RNF212B: variants seen among roughly 807,000 people sequenced by gnomAD.
RNF212B encodes the protein ring finger protein 212B.
In RNF212B, 52 loss-of-function variants were observed where a neutral mutation model predicts 55.5. That is an observed-to-expected ratio of 0.94 (90% CI 0.75 to 1.18). RNF212B has a LOEUF of 1.18. Among genes scored for constraint, RNF212B ranks in the 50% most tolerant of loss-of-function variants. The probability of loss-of-function intolerance (pLI) is 0.00; values close to 1 mark genes in which losing one functional copy is unlikely to be tolerated. For synonymous variants in RNF212B, 99 were observed against 121.4 expected (o/e 0.82, Z 1.21); for missense variants, 289 against 350.4 (o/e 0.82, Z 1.40).
At chr14:23,214,046 C>G (rs763314616) in intron 2 of RNF212B, among the ~76,000 whole-genome samples, 6 of 152,056 alleles carry the variant, frequency 3.9e-5, no homozygotes, top group Non-Finnish European at 5.9e-5. Flanking sequence ...TCACTTGAGC[C>G]CAGGAGTTCG....
intron 2 of RNF212B, among the ~76,000 whole-genome samples, chr14:23,227,718 A>T (rs1362429006): frequency 2.0e-5 from 3 of 151,622 alleles, no homozygotes; most frequent in Non-Finnish European, 4.4e-5. Context: ...TCCCACCTCA[A>T]CCTCCTTAGT....
intron 2 of RNF212B, among the ~76,000 whole-genome samples, chr14:23,211,900 C>G (rs1186872985): frequency 2.6e-5 from 4 of 152,004 alleles, no homozygotes; most frequent in Non-Finnish European, 5.9e-5. Context: ...TTTTTTTGTA[C>G]TATTTTTAGT....
rs558170198 is a variant in RNF212B at position 23,193,058 on chromosome 14, C to T, written c.-78-267C>T. On this transcript the variant is annotated intron_variant, in intron 1 of 15. Coordinates refer to the RNF212B transcript ENST00000399910. ...TGTGAGACGAGATCACGCCATTGCA[C>T]TCCAGCCTGGGCAACAAGAGAAAAA... 2.1e-5 allele frequency among the ~76,000 whole-genome samples: 3 copies of T among 143,752 alleles called. No homozygotes were observed. In the East Asian group the frequency reaches 6.2e-4, roughly 30 times the overall value. 94.3% of individuals were successfully genotyped at this position (143,752 alleles called of 152,430 possible).
intron 2 of RNF212B, among the ~76,000 whole-genome samples, chr14:23,213,257 G>A (rs1282108163): frequency 4.6e-5 from 7 of 151,652 alleles, no homozygotes; most frequent in Admixed American, 3.9e-4. Context: ...AGCTTGCAGT[G>A]AGCCGAGATC....
intron 2 of RNF212B, among the ~76,000 whole-genome samples, chr14:23,209,442 A>G (rs1208663261): frequency 6.6e-6 from 1 of 152,192 alleles, no homozygotes; most frequent in Non-Finnish European, 1.5e-5. Flanking sequence ...CACCTCTGAC[A>G]GTATTAGATT....
rs1885387129 is a variant in RNF212B at position 23,262,701 on chromosome 14, A to G, written c.471A>G (p.Pro157=). 1 of 1,550,226 alleles carries G rather than the reference A, an allele frequency of 6.5e-7. No homozygotes were observed. Among genetic ancestry groups the G allele is most frequent in the African/African-American group, 1.4e-5 (1 of 72,960 alleles). Residue 157 remains proline (P), a synonymous_variant, in exon 8 of 15, where the codon CCA becomes CCG. Transcript: ENST00000430154. ...ITPRPVGITS[P]SQSVTPRPSF... Reference sequence around the variant, plus strand: ...CTCGACCAGTGGGCATTACTTCCCCATCACAGTCAGGTGGAGAACATTTTT... The same window carrying G: ...CTCGACCAGTGGGCATTACTTCCCCGTCACAGTCAGGTGGAGAACATTTTT...
chr14:23,206,378 T>G (rs1157446658), intron 2 of RNF212B, among the ~76,000 whole-genome samples: 1 of 152,228 alleles, frequency 6.6e-6, no homozygotes, highest in East Asian at 1.9e-4. Flanking sequence ...CGGCCTAGTC[T>G]TTTCTTTTTC....
intron 2 of RNF212B, among the ~76,000 whole-genome samples, chr14:23,201,458 T>A (rs797020197): frequency 1.3e-5 from 2 of 152,352 alleles, no homozygotes; most frequent in African/African-American, 4.8e-5. Flanking sequence ...ATTAGAATTA[T>A]AAGTTTCTCA....
intron 2 of RNF212B, among the ~76,000 whole-genome samples, chr14:23,224,901 C>A (rs1021946004): frequency 5.3e-5 from 8 of 152,090 alleles, no homozygotes; most frequent in African/African-American, 1.9e-4. Context: ...TCAAACAACT[C>A]TATGGGAAAA....
chr14:23,210,215 C>G (rs1460208865), intron 2 of RNF212B, among the ~76,000 whole-genome samples: 2 of 152,180 alleles, frequency 1.3e-5, no homozygotes, highest in African/African-American at 4.8e-5. Context: ...AAGCATCAGA[C>G]AAGCCCAAAC....
intron 11 of RNF212B, among the ~76,000 whole-genome samples, chr14:23,267,643 G>A (rs945803403): frequency 4.6e-5 from 7 of 152,114 alleles, no homozygotes; most frequent in Non-Finnish European, 1.0e-4. Flanking sequence ...TGGCTAGGCT[G>A]GTCTCGAACT....
intron 4 of RNF212B, among the ~76,000 whole-genome samples, chr14:23,257,635 C>G (rs1053771641): frequency 6.6e-6 from 1 of 152,140 alleles, no homozygotes; most frequent in Non-Finnish European, 1.5e-5. Flanking sequence ...AAAAGTAGAG[C>G]CTGACAAAGC....
intron 4 of RNF212B, among the ~76,000 whole-genome samples, chr14:23,246,723 C>T (rs1884009766): frequency 1.3e-5 from 2 of 152,100 alleles, no homozygotes; most frequent in Non-Finnish European, 2.9e-5. Flanking sequence ...CCACCATGCC[C>T]AATCTGAAAA....
chr14:23,210,025 C>T (rs1164184778), intron 2 of RNF212B, among the ~76,000 whole-genome samples: 3 of 152,166 alleles, frequency 2.0e-5, no homozygotes, highest in Admixed American at 6.5e-5. Flanking sequence ...GATGTGTGTG[C>T]CTGTAATCCC....
At chr14:23,201,557 T>A (rs1879287415) in intron 2 of RNF212B, among the ~76,000 whole-genome samples, 1 of 152,240 alleles carries the variant, frequency 6.6e-6, no homozygotes, top group South Asian at 2.1e-4. Context: ...GCTTCCTGTA[T>A]AATTTTTATA....
At chr14:23,263,239 T>A (rs920148369) in intron 9 of RNF212B, among the ~76,000 whole-genome samples, 2 of 152,208 alleles carry the variant, frequency 1.3e-5, no homozygotes, top group African/African-American at 4.8e-5. Context: ...AAAGCCACTA[T>A]AAAACCCAAT....
intron 2 of RNF212B, among the ~76,000 whole-genome samples, chr14:23,219,526 C>T (rs769228494): frequency 4.6e-5 from 7 of 151,094 alleles, no homozygotes; most frequent in Non-Finnish European, 1.0e-4. Flanking sequence ...GACTGGAGTG[C>T]AGTGGCAAGA....
intron 2 of RNF212B, among the ~76,000 whole-genome samples, chr14:23,212,879 C>A (rs1880666448): frequency 1.3e-5 from 2 of 151,828 alleles, no homozygotes; most frequent in African/African-American, 2.4e-5. Flanking sequence ...TACTTTATTT[C>A]TTTTTACAAT....
intron 1 of RNF212B, among the ~76,000 whole-genome samples, chr14:23,189,789 C>A (rs922572378): frequency 6.6e-6 from 1 of 152,168 alleles, no homozygotes; most frequent in African/African-American, 2.4e-5. Context: ...GCCTGTACAA[C>A]AGAGTGAGTT....
Sources: gnomAD v4.1 joint callset for allele counts (sites outside exome capture counted in the v4.1 genomes callset) on GRCh38, gnomAD v4.1.1 for gene constraint, MANE v1.5 for transcripts, NCBI Gene and HGNC (gene_info 2026-07-23, HGNC 2026-07-21) for gene names.